LRRTM4: variants seen among roughly 807,000 people sequenced by gnomAD.
LRRTM4 encodes the protein leucine-rich repeat transmembrane neuronal protein 4.
In LRRTM4, 25 loss-of-function variants were observed where a neutral mutation model predicts 47.6. The ratio of observed to expected loss-of-function variants is 0.53; its 90% CI spans 0.38 to 0.73. The LOEUF is 0.73. Ranked by LOEUF, LRRTM4 falls within the 30% of genes least tolerant of loss-of-function variation. The pLI is 0.00. For missense variants in LRRTM4, 638 were observed against 713.4 expected (o/e 0.89, Z 1.20); for synonymous variants, 311 against 269.5 (o/e 1.15, Z -1.51).
At chr2:77,079,339 G>A (rs1303561516) in intron 3 of LRRTM4, among the ~76,000 whole-genome samples, 1 of 152,106 alleles carries the variant, frequency 6.6e-6, no homozygotes, top group Non-Finnish European at 1.5e-5. Context: ...GGCTATTTTT[G>A]TAAATACAGT....
chr2:77,123,068 TA>T (rs1387734821), intron 3 of LRRTM4, among the ~76,000 whole-genome samples: 1 of 151,924 alleles, frequency 6.6e-6, no homozygotes, highest in Non-Finnish European at 1.5e-5. Context: ...AAAAAAGTTT[TA>T]TTTTTTTTCT....
At chr2:77,085,678 G>A (rs542860527) in intron 3 of LRRTM4, among the ~76,000 whole-genome samples, 4 of 152,142 alleles carry the variant, frequency 2.6e-5, no homozygotes, top group South Asian at 2.1e-4. Flanking sequence ...AAATGTGTCC[G>A]ACTAAACAGA....
In LRRTM4 at chr2:77,373,270, C is replaced by CTTTTTATAAACT. The variant is rs1672718853; in HGVS notation, c.1551+145047_1551+145048insAGTTTATAAAAA. 1.3e-5 allele frequency among the ~76,000 whole-genome samples: 2 copies of CTTTTTATAAACT among 150,852 alleles called. 1 individual carries two copies. Among genetic ancestry groups the CTTTTTATAAACT allele is most frequent in the South Asian group, 4.2e-4 (2 of 4,816 alleles). ...TTTTATAAACTAAATGGGTAATAAA[C>CTTTTTATAAACT]AGATTGTGAAAGAAGTAAATAATAT... is the stretch of plus-strand genomic sequence containing the variant. On this transcript the variant is annotated intron_variant, in intron 3 of 3. Coordinates refer to ENST00000409884, the MANE Select transcript of LRRTM4 (RefSeq NM_001134745.3).
At chr2:77,350,758 C>T (rs1372673458) in intron 3 of LRRTM4, among the ~76,000 whole-genome samples, 3 of 152,016 alleles carry the variant, frequency 2.0e-5, no homozygotes, top group Non-Finnish European at 4.4e-5. Flanking sequence ...TATGAATTGG[C>T]AATTACTGAA....
chr2:77,073,755 GTCTC>G (rs557369367), intron 3 of LRRTM4, among the ~76,000 whole-genome samples: 13 of 150,446 alleles, frequency 8.6e-5, no homozygotes, highest in East Asian at 3.9e-4. Context: ...GTTTTTTTCT[GTCTC>G]TCTCTCTCTC....
intron 3 of LRRTM4, among the ~76,000 whole-genome samples, chr2:77,452,675 T>C (rs1242973893): frequency 6.6e-6 from 1 of 152,190 alleles, no homozygotes; most frequent in Non-Finnish European, 1.5e-5. Context: ...TACTTTTTTT[T>C]AACAAGAGGC....
At chr2:77,033,261 GGCT>G (rs1313420017) in intron 3 of LRRTM4, among the ~76,000 whole-genome samples, 1 of 151,220 alleles carries the variant, frequency 6.6e-6, no homozygotes, top group Non-Finnish European at 1.5e-5. Flanking sequence ...ATTTTAAATG[GGCT>G]CTCTCAAGAA....
chr2:76,936,696 T>A (rs988714235), intron 3 of LRRTM4, among the ~76,000 whole-genome samples: 1 of 151,050 alleles, frequency 6.6e-6, no homozygotes, highest in Non-Finnish European at 1.5e-5. Context: ...GACTCACGCC[T>A]CTAATCCCAG....
At chr2:77,415,232 T>A (rs1674593487) in intron 3 of LRRTM4, among the ~76,000 whole-genome samples, 1 of 152,180 alleles carries the variant, frequency 6.6e-6, no homozygotes, top group South Asian at 2.1e-4. Context: ...ACAATTCTGA[T>A]AATGGAAGAA....
intron 3 of LRRTM4, among the ~76,000 whole-genome samples, chr2:76,826,084 TAAGG>T (rs1179325893): frequency 6.6e-6 from 1 of 151,584 alleles, no homozygotes; most frequent in Admixed American, 6.6e-5. Context: ...CAATGAAAAA[TAAGG>T]AAGGCGAGAT....
At chr2:77,039,917 TA>T (rs1450578398) in intron 3 of LRRTM4, among the ~76,000 whole-genome samples, 3 of 151,068 alleles carry the variant, frequency 2.0e-5, no homozygotes, top group Non-Finnish European at 3.0e-5. Context: ...TTAATATTAA[TA>T]AAATATTTTT....
intron 3 of LRRTM4, among the ~76,000 whole-genome samples, chr2:76,798,053 T>C (rs1675444802): frequency 6.7e-6 from 1 of 149,662 alleles, no homozygotes; most frequent in East Asian, 1.9e-4. Flanking sequence ...AGACAGAAAG[T>C]CAACAAGGAT....
intron 3 of LRRTM4, among the ~76,000 whole-genome samples, chr2:77,078,369 TA>T (rs1680415334): frequency 8.1e-6 from 1 of 123,084 alleles, no homozygotes; most frequent in Middle Eastern, 3.7e-3. Flanking sequence ...GTTTGTCTAT[TA>T]CACACACACC....
At chr2:77,479,223 T>C (rs1677556371) in intron 3 of LRRTM4, among the ~76,000 whole-genome samples, 1 of 152,190 alleles carries the variant, frequency 6.6e-6, no homozygotes, top group East Asian at 1.9e-4. Flanking sequence ...TATAAGGACG[T>C]TTCTGTTTCC....
chr2:77,471,849 T>A (rs1017338791), intron 3 of LRRTM4, among the ~76,000 whole-genome samples: 1 of 152,204 alleles, frequency 6.6e-6, no homozygotes, highest in Non-Finnish European at 1.5e-5. Context: ...AGGTATGTTT[T>A]ACAGATGTAC....
At chr2:76,887,944 G>A (rs1325922081) in intron 3 of LRRTM4, among the ~76,000 whole-genome samples, 1 of 150,378 alleles carries the variant, frequency 6.6e-6, no homozygotes, top group Non-Finnish European at 1.5e-5. Context: ...TATGCACTTT[G>A]AACTGAATCT....
At chr2:77,112,269 T>G (rs142555619) in intron 3 of LRRTM4, among the ~76,000 whole-genome samples, 1 of 152,332 alleles carries the variant, frequency 6.6e-6, no homozygotes, top group East Asian at 1.9e-4. Flanking sequence ...TCTATTTGTT[T>G]ATGTTTTTCT....
Position 77,159,523 on chromosome 2 carries a change from GAA to G in LRRTM4, c.1551+358793_1551+358794del, listed in dbSNP as rs374578663. Among the ~76,000 whole-genome samples the G allele has an allele frequency of 3.6e-3, 394 of 110,720 alleles. 1 individual carries two copies. Among genetic ancestry groups the G allele is most frequent in the African/African-American group, 0.012 (377 of 30,422 alleles). 72.6% of individuals were successfully genotyped at this position (110,720 alleles called of 152,430 possible). ...GTACCCTAGGACTTAAAGTATAATG[GAA>G]AAAAAAAAAAAGAAAAAAAAAGGAA... is the stretch of plus-strand genomic sequence containing the variant. On this transcript the variant is annotated intron_variant, in intron 3 of 3. Transcript: ENST00000409884.
intron 3 of LRRTM4, among the ~76,000 whole-genome samples, chr2:77,068,289 G>GT (rs917782032): frequency 4.8e-4 from 72 of 151,348 alleles, no homozygotes; most frequent in East Asian, 1.4e-3. Flanking sequence ...AATGCTTCCT[G>GT]TTTTTTTTTA....
Sources: allele counts gnomAD v4.1 joint callset (sites outside exome capture counted in the v4.1 genomes callset), GRCh38; gene constraint gnomAD v4.1.1; transcripts MANE v1.5; gene names NCBI Gene and HGNC (gene_info 2026-07-23, HGNC 2026-07-21).